ATP9A: variants seen among roughly 807,000 people sequenced by gnomAD.
ATP9A encodes ATPase phospholipid transporting 9A.
In ATP9A, 52 loss-of-function variants were observed where a neutral mutation model predicts 144.1. That is an observed-to-expected ratio of 0.36 (90% confidence interval 0.29 to 0.45). The LOEUF (loss-of-function observed/expected upper bound fraction) is 0.45, where lower values mean the gene tolerates loss of function less well. Ranked by LOEUF, ATP9A falls within the 20% of genes least tolerant of loss-of-function variation. The pLI is 1.00. For missense variants in ATP9A, 947 were observed against 1,392.7 expected (o/e 0.68, Z 5.09); for synonymous variants, 582 against 557.4 (o/e 1.04, Z -0.62).
At chr20:51,669,836 T>C (rs1269627647) in intron 13 of ATP9A, among the ~76,000 whole-genome samples, 161 bp downstream of exon 13, 2 of 151,934 alleles carry the variant, frequency 1.3e-5, no homozygotes, top group African/African-American at 2.4e-5. Context: ...ATAAAATCGA[T>C]TGCAGTGACA....
chr20:51,666,646 C>A (rs2077434052), intron 13 of ATP9A, among the ~76,000 whole-genome samples: 1 of 149,414 alleles, frequency 6.7e-6, no homozygotes, highest in Non-Finnish European at 1.5e-5. Context: ...CACCCCTGTA[C>A]CTCAGCCTGG....
chr20:51,616,345 G>GTT (rs2077202840), intron 22 of ATP9A, among the ~76,000 whole-genome samples: 2 of 137,804 alleles, frequency 1.5e-5, no homozygotes, highest in South Asian at 4.5e-4. Context: ...TTGAGATGGA[G>GTT]TTTTGCTCTT....
At chr20:51,731,493 G>A (rs918897008) in intron 1 of ATP9A, among the ~76,000 whole-genome samples, 5 of 151,950 alleles carry the variant, frequency 3.3e-5, no homozygotes, top group East Asian at 1.9e-4. Flanking sequence ...CGAGGCAGGC[G>A]GAGGTACCTG....
intron 1 of ATP9A, among the ~76,000 whole-genome samples, chr20:51,742,465 G>A (rs1157668480): frequency 6.6e-6 from 1 of 152,084 alleles, no homozygotes; most frequent in Non-Finnish European, 1.5e-5. Flanking sequence ...TGCTGCAGCT[G>A]GCAGTGCCTC....
Position 51,604,803 on chromosome 20 carries a change from T to TTCAGGGGTCTTACCGATGAA in ATP9A, c.3001_3007+13dup. On this transcript the variant is annotated intron_variant, in intron 27 of 27. Transcript: ENST00000338821. The stretch of plus-strand genomic sequence containing the variant: ...GGGGGTGACGGACGGGGTTTAAGCA[T>TTCAGGGGTCTTACCGATGAA]TCAGGGGTCTTACCGATGAACTCGT... 1 of 1,482,392 alleles carries TTCAGGGGTCTTACCGATGAA rather than the reference T, an allele frequency of 6.7e-7. No homozygotes were observed. The highest frequency in any genetic ancestry group is 1.4e-5 in the African/African-American group (1 of 70,138). The allele number at this position is 1,482,392 out of a possible 1,614,324, so 91.8% of individuals were successfully genotyped here.
chr20:51,623,089 G>C (rs1191485231), intron 18 of ATP9A, among the ~76,000 whole-genome samples: 1 of 152,340 alleles, frequency 6.6e-6, no homozygotes, highest in East Asian at 1.9e-4. Context: ...AACCCAGGCA[G>C]TGAGACGGGC....
At chr20:51,671,048 T>A in intron 12 of ATP9A, 67 bp downstream of exon 12, 1 of 1,577,606 alleles carries the variant, frequency 6.3e-7, no homozygotes, top group Non-Finnish European at 8.7e-7. Context: ...GCCCAAGAAT[T>A]TCAGCCAAAG....
rs1422304368 is a variant in ATP9A at position 51,728,897 on chromosome 20, A to G, written c.213+937T>C. On this transcript the variant is annotated intron_variant, in intron 2 of 27. Transcript: ENST00000338821. ...GAGCTGATTGCTACTGCTGCTTCTCAAAGTCAACTGGTGTGTGTTTGGAGG... is the reference window on the plus strand; with the variant it reads ...GAGCTGATTGCTACTGCTGCTTCTCGAAGTCAACTGGTGTGTGTTTGGAGG... Among the ~76,000 whole-genome samples, 4 of 152,198 alleles carry G rather than the reference A, an allele frequency of 2.6e-5. No individual in the cohort carries two copies. In the East Asian group the frequency reaches 5.8e-4, roughly 22 times the overall value.
intron 26 of ATP9A, among the ~76,000 whole-genome samples, chr20:51,605,939 A>G (rs1389804208): frequency 6.6e-6 from 1 of 151,684 alleles, no homozygotes; most frequent in East Asian, 1.9e-4. Flanking sequence ...ATAAACCCCA[A>G]TAGGAGACAT....
At chr20:51,713,594 C>A (rs1247129507) in intron 3 of ATP9A, among the ~76,000 whole-genome samples, 2 of 152,134 alleles carry the variant, frequency 1.3e-5, no homozygotes, top group African/African-American at 4.8e-5. Context: ...ATGGGAACTG[C>A]AATGTAGGAA....
At chr20:51,651,921 G>C (rs1010349082) in intron 14 of ATP9A, among the ~76,000 whole-genome samples, 1 of 152,000 alleles carries the variant, frequency 6.6e-6, no homozygotes, top group Non-Finnish European at 1.5e-5. Context: ...TGTCTCAAAA[G>C]CGCCTGGCCA....
chr20:51,617,117 T>C (rs1012237576), intron 22 of ATP9A, among the ~76,000 whole-genome samples: 2 of 151,984 alleles, frequency 1.3e-5, no homozygotes, highest in African/African-American at 4.8e-5. Context: ...AATTTTTGTA[T>C]TTTCAGTAGA....
At chr20:51,755,088 A>G (rs1215117487) in intron 1 of ATP9A, among the ~76,000 whole-genome samples, 1 of 152,160 alleles carries the variant, frequency 6.6e-6, no homozygotes, top group Admixed American at 6.5e-5. Flanking sequence ...ACTGCACTCC[A>G]GCCTGGGCAA....
chr20:51,634,105 T>C (rs1325572921), intron 15 of ATP9A, among the ~76,000 whole-genome samples: 3 of 152,152 alleles, frequency 2.0e-5, no homozygotes, highest in Non-Finnish European at 4.4e-5. Flanking sequence ...TTCTTCCTGC[T>C]GGAAGACACA....
At position 51,682,622 on chromosome 20, in the gene ATP9A, C is replaced by G. The variant is rs573642527; in HGVS notation, c.800-6414G>C. ...TTTTTTTTTTTGAGACAGAGTTTCCCTCTTGTGGCCCAGGTTTGGGGTGCA... is the reference window on the plus strand; with the variant it reads ...TTTTTTTTTTTGAGACAGAGTTTCCGTCTTGTGGCCCAGGTTTGGGGTGCA... On this transcript the variant is annotated intron_variant, in intron 9 of 27. Coordinates refer to ENST00000338821, the MANE Select transcript of ATP9A (RefSeq NM_006045.3). 5.6e-4 allele frequency among the ~76,000 whole-genome samples: 47 copies of G among 84,442 alleles called. No individual in the cohort carries two copies. The South Asian group carries it at 0.015, about 27-fold the overall frequency. 55.4% of individuals were successfully genotyped at this position (84,442 alleles called of 152,430 possible). A position where few individuals can be genotyped will look rare whatever the true frequency, so the allele number is the denominator to read the frequency against.
chr20:51,637,915 C>T (rs1398854102), intron 15 of ATP9A, among the ~76,000 whole-genome samples: 3 of 150,770 alleles, frequency 2.0e-5, no homozygotes, highest in Non-Finnish European at 4.4e-5. Context: ...GCCTTTGCTT[C>T]CTCATAGCTT....
intron 10 of ATP9A, among the ~76,000 whole-genome samples, chr20:51,675,234 C>G (rs545720941): frequency 6.6e-6 from 1 of 152,124 alleles, no homozygotes; most frequent in Non-Finnish European, 1.5e-5. Flanking sequence ...ATTAAACAAA[C>G]GATTTTATAG....
chr20:51,713,767 T>C (rs1370534663), intron 3 of ATP9A, among the ~76,000 whole-genome samples: 1 of 152,286 alleles, frequency 6.6e-6, no homozygotes, highest in South Asian at 2.1e-4. Context: ...ACCCCATTCA[T>C]ATAAATAGCA....
At chr20:51,657,583 C>T (rs774725228) in intron 13 of ATP9A, among the ~76,000 whole-genome samples, 24 of 152,150 alleles carry the variant, frequency 1.6e-4, no homozygotes, top group Non-Finnish European at 3.4e-4. Context: ...CCACCAGATG[C>T]GCTGGACGCC....
Sources: gnomAD v4.1 joint callset for allele counts (sites outside exome capture counted in the v4.1 genomes callset) on GRCh38, gnomAD v4.1.1 for gene constraint, MANE v1.5 for transcripts, NCBI Gene and HGNC (gene_info 2026-07-23, HGNC 2026-07-21) for gene names.